Variants in ACSL6 observed in about 807,000 individuals in gnomAD.
The protein encoded by ACSL6 is long-chain-fatty-acid--CoA ligase 6.
A neutral mutation model predicts 98.2 loss-of-function variants in ACSL6; 47 were observed. The ratio of observed to expected loss-of-function variants is 0.48; its 90% CI spans 0.38 to 0.61. The LOEUF is 0.61. Among genes scored for constraint, ACSL6 ranks in the 20% least tolerant of loss-of-function variants. The pLI, the probability that ACSL6 is intolerant of heterozygous loss-of-function variation, is 0.00. For synonymous variants in ACSL6, 362 were observed against 336.9 expected (o/e 1.07, Z -0.82); for missense variants, 761 against 913.4 (o/e 0.83, Z 2.15).
chr5:131,954,221 C>T lies in ACSL6; in HGVS notation c.*13G>A. On this transcript the variant is annotated 3_prime_UTR_variant, in exon 21 of 21. Coordinates refer to ENST00000651883, the MANE Select transcript of ACSL6 (RefSeq NM_001009185.3). ...AGACAGTTCATTACACTGAGAAGAA[C>T]TTTCCTTGAACTTCACATGGAGATT... 3 of 1,606,422 alleles carry T rather than the reference C, an allele frequency of 1.9e-6. No homozygotes were observed. The highest frequency in any genetic ancestry group is 2.2e-5 in the South Asian group (2 of 89,594).
At chr5:132,002,007 A>G (rs1755110895) in intron 1 of ACSL6, 1 of 152,238 alleles carries the variant, frequency 6.6e-6, no homozygotes, top group Non-Finnish European at 1.5e-5. Context: ...AAGTTCTCAG[A>G]GCAAAGAGGG....
intron 9 of ACSL6, among the ~76,000 whole-genome samples, chr5:131,977,866 G>A (rs1753701303): frequency 6.6e-6 from 1 of 152,026 alleles, no homozygotes; most frequent in African/African-American, 2.4e-5. Flanking sequence ...TGAGGGGGTG[G>A]GGAGAGAAAG....
intron 20 of ACSL6, among the ~76,000 whole-genome samples, chr5:131,957,171 G>A (rs1291025370): frequency 2.6e-5 from 4 of 152,002 alleles, no homozygotes; most frequent in African/African-American, 9.7e-5. Flanking sequence ...TTTAGAACAG[G>A]AGAGATAAAG....
At chr5:131,972,102 A>T (rs905253514) in intron 13 of ACSL6, among the ~76,000 whole-genome samples, 4 of 152,240 alleles carry the variant, frequency 2.6e-5, no homozygotes, top group African/African-American at 9.6e-5. Flanking sequence ...GAGGACGAAG[A>T]ATACTTGAAA....
At chr5:131,984,769 C>T (rs253942) in intron 9 of ACSL6, 12,090 of 156,874 alleles carry the variant, frequency 0.077, 661 homozygotes, top group East Asian at 0.19. Flanking sequence ...CTGTCAGCTC[C>T]AAGCACAGAG....
chr5:131,998,267 ATAT>A (rs1397035764), intron 1 of ACSL6, among the ~76,000 whole-genome samples: 1 of 152,096 alleles, frequency 6.6e-6, no homozygotes, highest in Non-Finnish European at 1.5e-5. Flanking sequence ...GTGTTTGTAA[ATAT>A]TCACCTGGCA....
upstream of ACSL6, chr5:132,012,065 G>T (rs541070273): frequency 1.7e-6 from 2 of 1,156,486 alleles, no homozygotes; most frequent in South Asian, 1.7e-5. Flanking sequence ...GGGCAGGCTC[G>T]AATGGCAGCC....
chr5:131,975,766 C>T, intron 10 of ACSL6: 1 of 985,488 alleles, frequency 1.0e-6, no homozygotes, highest in Non-Finnish European at 1.2e-6. Context: ...TCTGGGTGGG[C>T]TGTGCCTCCA....
chr5:131,988,306 C>A, intron 6 of ACSL6, 80 bp from the exon 7 acceptor site: 2 of 1,512,518 alleles, frequency 1.3e-6, no homozygotes, highest in Non-Finnish European at 1.8e-6. Flanking sequence ...GCAGCACATG[C>A]CAGGCAGCAC....
intron 1 of ACSL6, chr5:132,003,726 G>C (rs1339364997): frequency 6.6e-6 from 1 of 152,190 alleles, no homozygotes; most frequent in Non-Finnish European, 1.5e-5. Flanking sequence ...CAATCACTGG[G>C]GCTCTCACTT....
At position 131,950,704 on chromosome 5, in the gene ACSL6, A is replaced by C. The variant is rs980424552; in HGVS notation, c.*3530T>G. ...AATAACTATATTGCATTTGTGCTTCATACATTTGGAAAATAAAGGATATTT... is the reference window on the plus strand; with the variant it reads ...AATAACTATATTGCATTTGTGCTTCCTACATTTGGAAAATAAAGGATATTT... On this transcript the variant is annotated 3_prime_UTR_variant, in exon 21 of 21. Transcript: ENST00000651883. 1.0e-5 allele frequency: 2 copies of C among 191,988 alleles called. No homozygotes were observed. The highest frequency in any genetic ancestry group is 2.2e-5 in the Non-Finnish European group (2 of 91,788). The allele number at this position is 191,988 out of a possible 1,614,324, so 11.9% of individuals were successfully genotyped here. A position where few individuals can be genotyped will look rare whatever the true frequency, so the allele number is the denominator to read the frequency against.
intron 1 of ACSL6, among the ~76,000 whole-genome samples, chr5:132,003,254 C>T (rs1052053567): frequency 8.5e-5 from 13 of 152,220 alleles, no homozygotes; most frequent in African/African-American, 2.4e-4. Context: ...TGCTGGTCAA[C>T]GGGAATCTGC....
chr5:131,986,920 G>T, intron 7 of ACSL6, 66 bp from the exon 8 acceptor site: 2 of 1,559,168 alleles, frequency 1.3e-6, no homozygotes, highest in Non-Finnish European at 8.8e-7. Flanking sequence ...CTGTCCCTCT[G>T]TCTCTGTCTC....
At chr5:131,958,950 C>A (rs1752557862) in intron 20 of ACSL6, among the ~76,000 whole-genome samples, 1 of 150,828 alleles carries the variant, frequency 6.6e-6, no homozygotes, top group Non-Finnish European at 1.5e-5. Context: ...GAATTTTTGA[C>A]AAAAGGGGAT....
chr5:131,969,421 C>T (rs574601457), intron 15 of ACSL6, among the ~76,000 whole-genome samples: 3 of 151,678 alleles, frequency 2.0e-5, no homozygotes, highest in Admixed American at 1.3e-4. Flanking sequence ...GCTGGCAGAT[C>T]TCCCACAGGA....
At chr5:131,975,861 G>C (rs1401909098) in intron 10 of ACSL6, 16 of 985,472 alleles carry the variant, frequency 1.6e-5, no homozygotes, top group Non-Finnish European at 1.9e-5. Flanking sequence ...GGCCAGCTTG[G>C]GCAAACCTTG....
intron 1 of ACSL6, among the ~76,000 whole-genome samples, chr5:132,003,361 G>A (rs1755197650): frequency 6.6e-6 from 1 of 152,200 alleles, no homozygotes; most frequent in African/African-American, 2.4e-5. Context: ...TCTGCTGTTG[G>A]CCTGTGAGAG....
upstream of ACSL6, chr5:132,011,965 A>C: frequency 6.5e-7 from 1 of 1,532,986 alleles, no homozygotes; most frequent in Non-Finnish European, 8.8e-7. This position sits in a 1 kb window ranked among gnomAD's most constrained non-coding sequence, Gnocchi z 5.4. Context: ...GACGAGCGCC[A>C]GAGCGTGACA....
chr5:131,991,336 T>C (rs1389157763), intron 2 of ACSL6, among the ~76,000 whole-genome samples: 1 of 152,142 alleles, frequency 6.6e-6, no homozygotes, highest in African/African-American at 2.4e-5. Flanking sequence ...GTGGGGAGTA[T>C]TGGCTGGATT....
Sources: allele counts gnomAD v4.1 joint callset (sites outside exome capture counted in the v4.1 genomes callset), GRCh38; gene constraint gnomAD v4.1.1; non-coding constraint Gnocchi (gnomAD v3.1); transcripts MANE v1.5; gene names NCBI Gene and HGNC (gene_info 2026-07-23, HGNC 2026-07-21).